The following RAD52 variants were observed in gnomAD, a reference collection of about 807,000 sequenced individuals.
The protein encoded by RAD52 is RAD52 DNA repair protein, also known as DNA repair protein RAD52 homolog.
RAD52 carries 47 observed loss-of-function variants against 55.5 expected under a neutral mutation model. The observed-to-expected ratio is 0.85, with a 90% confidence interval of 0.67 to 1.08. RAD52 has a LOEUF of 1.08. Among genes scored for constraint, RAD52 ranks in the 50% least tolerant of loss-of-function variants. The pLI, the probability that RAD52 is intolerant of heterozygous loss-of-function variation, is 0.00. For missense variants in RAD52, 468 were observed against 522.8 expected (o/e 0.90, Z 1.02); for synonymous variants, 184 against 198.9 (o/e 0.92, Z 0.63).
At position 939,052 on chromosome 12, in the gene RAD52, TTGTGTG is replaced by T. The variant is rs1555176185; in HGVS notation, c.-18-5982_-18-5977del. 1.9e-3 allele frequency among the ~76,000 whole-genome samples: 265 copies of T among 141,148 alleles called. 2 individuals carry two copies. The highest frequency in any genetic ancestry group is 4.6e-3 in the Admixed American group (63 of 13,640). The allele number at this position is 141,148 out of a possible 152,430, so 92.6% of individuals were successfully genotyped here. A position where few individuals can be genotyped will look rare whatever the true frequency, so the allele number is the denominator to read the frequency against. ...ACTTACTCTCAATTCATTCAACTAA[TTGTGTG>T]TGTGTGTGTGTGTGTGTGTGTGTGT... On this transcript the variant is annotated intron_variant, in intron 1 of 11. Transcript: ENST00000358495.
chr12:947,863 G>A (rs1008092488), intron 1 of RAD52, among the ~76,000 whole-genome samples: 5 of 142,844 alleles, frequency 3.5e-5, no homozygotes, highest in African/African-American at 1.3e-4. Flanking sequence ...TCCACCCTGG[G>A]CAACAAGAGT....
chr12:946,722 G>C (rs1306219794), intron 1 of RAD52, among the ~76,000 whole-genome samples: 1 of 152,116 alleles, frequency 6.6e-6, no homozygotes, highest in Non-Finnish European at 1.5e-5. Context: ...TAACACTTAT[G>C]AACAGTTTTA....
At chr12:991,099 C>T (rs1419124915), upstream of RAD52, 2 of 151,438 alleles carry the variant, frequency 1.3e-5, no homozygotes, top group Non-Finnish European at 3.0e-5. Flanking sequence ...CCGCGTCACG[C>T]TCCCGGGAGG....
chr12:953,621 T>C (rs1320881241), upstream of RAD52, among the ~76,000 whole-genome samples: 1 of 152,220 alleles, frequency 6.6e-6, no homozygotes, highest in Non-Finnish European at 1.5e-5. Flanking sequence ...CCAAGTTCTT[T>C]AATCTGGGAC....
chr12:984,432 A>T (rs948680315), intron 1 of RAD52, among the ~76,000 whole-genome samples: 3 of 152,126 alleles, frequency 2.0e-5, no homozygotes, highest in African/African-American at 7.2e-5. Flanking sequence ...TCCTGACCTC[A>T]GGTGATCCAC....
intron 1 of RAD52, among the ~76,000 whole-genome samples, chr12:937,215 G>A (rs1358039750): frequency 6.6e-6 from 1 of 152,144 alleles, no homozygotes; most frequent in Non-Finnish European, 1.5e-5. Context: ...AACTGTACTT[G>A]CACCAAGGGC....
At chr12:917,907 T>C (rs1956493712) in intron 7 of RAD52, among the ~76,000 whole-genome samples, 1 of 151,834 alleles carries the variant, frequency 6.6e-6, no homozygotes, top group African/African-American at 2.4e-5. Context: ...ACCACCGCAC[T>C]CCAGCCTGGG....
At chr12:980,463 T>G (rs1256867038) in intron 1 of RAD52, among the ~76,000 whole-genome samples, 5 of 150,564 alleles carry the variant, frequency 3.3e-5, no homozygotes, top group African/African-American at 1.2e-4. Flanking sequence ...CCGGCTAATT[T>G]TTGTATTTTT....
intron 1 of RAD52, among the ~76,000 whole-genome samples, chr12:970,726 G>C (rs1170684469): frequency 6.6e-6 from 1 of 152,146 alleles, no homozygotes; most frequent in Non-Finnish European, 1.5e-5. Flanking sequence ...TGGCATTTGG[G>C]AGTAAGTAGG....
intron 1 of RAD52, among the ~76,000 whole-genome samples, chr12:937,582 C>T (rs981489133): frequency 3.3e-5 from 5 of 152,118 alleles, no homozygotes; most frequent in East Asian, 1.9e-4. Flanking sequence ...TCCACCACCA[C>T]GCCTGGCTAA....
intron 1 of RAD52, among the ~76,000 whole-genome samples, chr12:936,434 A>G (rs956424754): frequency 6.7e-6 from 1 of 148,670 alleles, no homozygotes; most frequent in Non-Finnish European, 1.5e-5. Context: ...ATGTCTTACT[A>G]TTCTGCTTTC....
chr12:945,339 ACT>A (rs1958155399), intron 1 of RAD52, among the ~76,000 whole-genome samples: 1 of 143,244 alleles, frequency 7.0e-6, no homozygotes, highest in Non-Finnish European at 1.5e-5. Flanking sequence ...CAAGAGTGAG[ACT>A]CTGTCTCAAA....
chr12:963,604 T>A (rs914878000), intron 1 of RAD52, among the ~76,000 whole-genome samples: 1 of 152,166 alleles, frequency 6.6e-6, no homozygotes, highest in Non-Finnish European at 1.5e-5. Context: ...ATACTTTACA[T>A]GTCTTTATAT....
intron 7 of RAD52, among the ~76,000 whole-genome samples, chr12:919,445 CA>C (rs1414251550): frequency 2.0e-5 from 3 of 150,828 alleles, no homozygotes; most frequent in African/African-American, 7.3e-5. Context: ...GTCTCAACAA[CA>C]AAAAAAGAGA....
rs1197612141 is a variant in RAD52 at position 916,479 on chromosome 12, G to C, written c.730C>G (p.Leu244Val). ...PADQDCSSRS[L>V]SSSAVESEAT... ...TCGCTCTCCACGGCGGATGAGCTCA[G>C]GCTTCTGCATGAGAGGGCGGCGGCG... Residue 244 changes from leucine (L) to valine (V), a missense_variant, in exon 9 of 12, where the codon CTG (leucine) becomes GTG (valine). Leu to Val is a conservative substitution (Grantham distance 32). Transcript: ENST00000358495. 6.2e-7 allele frequency: 1 copy of C among 1,607,848 alleles called. No individual in the cohort carries two copies. The highest frequency in any genetic ancestry group is 1.7e-5 in the Admixed American group (1 of 59,920).
At chr12:962,816 C>T (rs1958706033) in intron 1 of RAD52, among the ~76,000 whole-genome samples, 1 of 152,152 alleles carries the variant, frequency 6.6e-6, no homozygotes, top group Non-Finnish European at 1.5e-5. Flanking sequence ...TGGCTCTAGC[C>T]ATCCTCCCAC....
chr12:937,528 C>T (rs951998512), intron 1 of RAD52, among the ~76,000 whole-genome samples: 1 of 151,994 alleles, frequency 6.6e-6, no homozygotes, highest in Admixed American at 6.6e-5. Context: ...CAGATTCAAG[C>T]AATTCTCCTG....
At position 970,806 on chromosome 12, in the gene RAD52, C is replaced by T. The variant is rs527751669; in HGVS notation, c.-19+19003G>A. The stretch of plus-strand genomic sequence containing the variant: ...CCGAGCTATTTTGGGTAGGGTATCA[C>T]AGCAAAGGGAATGTTCTATTAATTA... On this transcript the variant is annotated intron_variant, in intron 1 of 11. Transcript: ENST00000430095. Among the ~76,000 whole-genome samples the T allele has an allele frequency of 6.5e-4, 99 of 152,256 alleles. 1 individual carries two copies. The highest frequency in any genetic ancestry group is 2.7e-3 in the South Asian group (13 of 4,814).
At chr12:972,672 A>C (rs1402270895) in intron 1 of RAD52, among the ~76,000 whole-genome samples, 1 of 150,440 alleles carries the variant, frequency 6.6e-6, no homozygotes, top group Non-Finnish European at 1.5e-5. Context: ...AGGCTGAGGC[A>C]GGAGAATGGC....
Sources: gnomAD v4.1 joint callset for allele counts (sites outside exome capture counted in the v4.1 genomes callset) on GRCh38, gnomAD v4.1.1 for gene constraint, MANE v1.5 for transcripts, NCBI Gene and HGNC (gene_info 2026-07-23, HGNC 2026-07-21) for gene names.